PRKAR1B: variants seen among roughly 807,000 people sequenced by gnomAD.
PRKAR1B encodes the protein cAMP-dependent protein kinase type I-beta regulatory subunit.
In PRKAR1B, 22 loss-of-function variants were observed where a neutral mutation model predicts 46.5. The observed-to-expected ratio is 0.47, with a 90% CI of 0.34 to 0.68. The LOEUF (loss-of-function observed/expected upper bound fraction) is 0.68. Among genes scored for constraint, PRKAR1B ranks in the 30% least tolerant of loss-of-function variants. The pLI is 0.01. For synonymous variants in PRKAR1B, 259 were observed against 217.7 expected (o/e 1.19, Z -1.67); for missense variants, 445 against 535.6 (o/e 0.83, Z 1.67).
At chr7:583,447 T>C (rs368543286) in intron 8 of PRKAR1B, among the ~76,000 whole-genome samples, 1 of 48,054 alleles carries the variant, frequency 2.1e-5, no homozygotes. Flanking sequence ...CAGTGCACAC[T>C]CACACCCACT....
chr7:673,282 C>T (rs879437144), intron 4 of PRKAR1B, among the ~76,000 whole-genome samples: 2 of 151,990 alleles, frequency 1.3e-5, no homozygotes, highest in Non-Finnish European at 2.9e-5. Context: ...ACGTAATATC[C>T]GTTCAAAAAC....
chr7:630,345 C>T (rs147356339), intron 4 of PRKAR1B, among the ~76,000 whole-genome samples: 7 of 152,304 alleles, frequency 4.6e-5, no homozygotes, highest in African/African-American at 7.2e-5. Context: ...CAAAACTGGC[C>T]GGCCGGGAGC....
At chr7:702,306 GA>G (rs924928362) in intron 2 of PRKAR1B, among the ~76,000 whole-genome samples, 122 of 150,084 alleles carry the variant, frequency 8.1e-4, no homozygotes, top group African/African-American at 2.8e-3. Flanking sequence ...AGAAACATAG[GA>G]AAAAAAACAG....
intron 6 of PRKAR1B, among the ~76,000 whole-genome samples, chr7:599,187 G>A (rs920443823): frequency 1.3e-5 from 2 of 152,192 alleles, no homozygotes; most frequent in African/African-American, 4.8e-5. Flanking sequence ...GGACAAAGGG[G>A]CCATCCTTCT....
At chr7:615,889 G>A (rs1270122601) in intron 4 of PRKAR1B, among the ~76,000 whole-genome samples, 1 of 147,576 alleles carries the variant, frequency 6.8e-6, no homozygotes, top group Non-Finnish European at 1.5e-5. Flanking sequence ...AAGGGAGAGA[G>A]AAAGAGAAAA....
intron 4 of PRKAR1B, among the ~76,000 whole-genome samples, chr7:641,844 A>ATTTTTTAT (rs1784405694): frequency 6.6e-6 from 1 of 151,948 alleles, no homozygotes; most frequent in Admixed American, 6.6e-5. Flanking sequence ...TATTATCACT[A>ATTTTTTAT]TTTTTTATTT....
intron 2 of PRKAR1B, among the ~76,000 whole-genome samples, chr7:699,681 G>T (rs1779959016): frequency 6.6e-6 from 1 of 152,232 alleles, no homozygotes; most frequent in South Asian, 2.1e-4. Context: ...AGAGCGGCCA[G>T]CTGCAGGAGG....
intron 2 of PRKAR1B, among the ~76,000 whole-genome samples, chr7:702,831 T>C (rs555860811): frequency 6.6e-6 from 1 of 151,692 alleles, no homozygotes; most frequent in South Asian, 2.1e-4. Flanking sequence ...CTCAAAAAAA[T>C]AAGTAAATAA....
At chr7:721,473 ACT>A (rs1344825019) in intron 1 of PRKAR1B, among the ~76,000 whole-genome samples, 2 of 151,842 alleles carry the variant, frequency 1.3e-5, no homozygotes, top group Non-Finnish European at 2.9e-5. Flanking sequence ...ACACGGAGAA[ACT>A]CTGTCTCTAC....
At chr7:645,899 T>C (rs1274957851) in intron 4 of PRKAR1B, among the ~76,000 whole-genome samples, 1 of 152,110 alleles carries the variant, frequency 6.6e-6, no homozygotes, top group Non-Finnish European at 1.5e-5. Context: ...CCCGATCTGG[T>C]CCCTGTTTTC....
At chr7:686,327 G>T (rs1779097234) in intron 2 of PRKAR1B, among the ~76,000 whole-genome samples, 1 of 151,892 alleles carries the variant, frequency 6.6e-6, no homozygotes, top group Non-Finnish European at 1.5e-5. Flanking sequence ...GAGAATTAAA[G>T]AATACAGTTC....
intron 9 of PRKAR1B, among the ~76,000 whole-genome samples, chr7:551,889 C>G (rs1784237154): frequency 2.3e-5 from 3 of 132,134 alleles, no homozygotes; most frequent in Admixed American, 1.5e-4. Context: ...ACCTCCCGCC[C>G]AGGTCCTTCT....
intron 9 of PRKAR1B, among the ~76,000 whole-genome samples, chr7:571,289 C>CCGAGACCCCAGCCAGGAGCCTCG (rs1779497414): frequency 6.6e-6 from 1 of 152,108 alleles, no homozygotes; most frequent in Admixed American, 6.5e-5. Flanking sequence ...AGGCTGGGTC[C>CCGAGACCCCAGCCAGGAGCCTCG]CAGCTGACCC....
At chr7:670,810 T>G (rs1470845043) in intron 4 of PRKAR1B, among the ~76,000 whole-genome samples, 1 of 87,330 alleles carries the variant, frequency 1.1e-5, no homozygotes, top group East Asian at 3.4e-4. Context: ...CTCCGAGCTC[T>G]CCCACGCCGT....
At chr7:639,723 T>C (rs1244436105) in intron 4 of PRKAR1B, among the ~76,000 whole-genome samples, 1 of 151,822 alleles carries the variant, frequency 6.6e-6, no homozygotes, top group African/African-American at 2.4e-5. Context: ...GGCATGGTGG[T>C]GCAAGCATGT....
intron 4 of PRKAR1B, among the ~76,000 whole-genome samples, chr7:622,521 G>C (rs967714065): frequency 3.3e-5 from 5 of 152,204 alleles, no homozygotes; most frequent in African/African-American, 1.2e-4. Flanking sequence ...TGAGTTATTA[G>C]CACTTCCAAC....
At chr7:709,713 G>C (rs1392165587) in intron 2 of PRKAR1B, among the ~76,000 whole-genome samples, 1 of 152,092 alleles carries the variant, frequency 6.6e-6, no homozygotes, top group Non-Finnish European at 1.5e-5. Flanking sequence ...TGTTGCCCAG[G>C]CTGGAGTGCA....
chr7:715,160 C>T (rs1473583266), intron 1 of PRKAR1B, among the ~76,000 whole-genome samples: 2 of 152,082 alleles, frequency 1.3e-5, no homozygotes, highest in African/African-American at 4.8e-5. Flanking sequence ...AGCAAAAGAG[C>T]GAACGAAACT....
chr7:676,716 G>A (rs899772662), intron 4 of PRKAR1B, among the ~76,000 whole-genome samples: 7 of 152,212 alleles, frequency 4.6e-5, no homozygotes, highest in African/African-American at 1.4e-4. Flanking sequence ...TTCTCCTGGC[G>A]CCGAGCGTTC....
Sources: gnomAD v4.1 joint callset for allele counts (sites outside exome capture counted in the v4.1 genomes callset) on GRCh38, gnomAD v4.1.1 for gene constraint, MANE v1.5 for transcripts, NCBI Gene and HGNC (gene_info 2026-07-23, HGNC 2026-07-21) for gene names.